SNX30: variants seen among roughly 807,000 people sequenced by gnomAD.
SNX30 encodes sorting nexin family member 30.
A neutral mutation model predicts 46.4 loss-of-function variants in SNX30; 24 were observed. The observed-to-expected ratio is 0.52, with a 90% CI of 0.37 to 0.73. The LOEUF (loss-of-function observed/expected upper bound fraction) is 0.73. SNX30 is among the 30% of genes least tolerant of loss of function. The pLI, the probability that SNX30 is intolerant of heterozygous loss-of-function variation, is 0.00. For missense variants in SNX30, 533 were observed against 555.7 expected, an observed-to-expected ratio of 0.96 and a Z score of 0.41; for synonymous variants, 189 against 211.5, an observed-to-expected ratio of 0.89 and a Z score of 0.92.
At chr9:112,795,765 T>TCTCTCA (rs34877094) in intron 1 of SNX30, among the ~76,000 whole-genome samples, 3 of 123,334 alleles carry the variant, frequency 2.4e-5, no homozygotes, top group East Asian at 2.1e-4. Context: ...CACAGTACAG[T>TCTCTCA]CACACACACA....
intron 1 of SNX30, among the ~76,000 whole-genome samples, chr9:112,757,587 A>G (rs767734663): frequency 1.1e-4 from 17 of 152,230 alleles, no homozygotes; most frequent in African/African-American, 2.4e-4. Context: ...ACTGTTTTCC[A>G]TAATGGCTGT....
Position 112,869,176 on chromosome 9 carries a change from T to G in SNX30, c.*333T>G, listed in dbSNP as rs1841406920. On this transcript the variant is annotated 3_prime_UTR_variant, in exon 9 of 9. Transcript: ENST00000374232. ...TCTGACATTTCATGACAGTTTCCTC[T>G]TTAGGGACAGCTGAGTTGCCAGTTG... The G allele has an allele frequency of 3.9e-6, 1 of 258,862 alleles. No individual in the cohort carries two copies. The highest frequency in any genetic ancestry group is 7.9e-5 in the East Asian group (1 of 12,624). 16.0% of individuals were successfully genotyped at this position (258,862 alleles called of 1,614,324 possible).
intron 7 of SNX30, among the ~76,000 whole-genome samples, chr9:112,863,131 C>T (rs1331181756): frequency 3.3e-5 from 5 of 152,178 alleles, no homozygotes; most frequent in Non-Finnish European, 2.9e-5. Flanking sequence ...TGTCCAGCTC[C>T]CTCAGGCCTG....
chr9:112,876,544 A>C (rs1232239609), downstream of SNX30, among the ~76,000 whole-genome samples: 1 of 152,156 alleles, frequency 6.6e-6, no homozygotes, highest in Non-Finnish European at 1.5e-5. Context: ...CCAGGTGGAG[A>C]TGTTGACTTG....
At position 112,864,353 on chromosome 9, in the gene SNX30, A is replaced by G; in HGVS notation, c.1208A>G (p.Gln403Arg). Reference protein sequence around the residue: ...WQNNKRQDFRQLLMGMADKNI... With the variant: ...WQNNKRQDFRRLLMGMADKNI... ...AACAACAAGAGGCAGGACTTCCGGC[A>G]GCTACTCATGGGGATGGCTGACAAG... The change falls in exon 8 of 9, where the codon CAG becomes CGG. Residue 403 changes from glutamine to arginine, a missense_variant. Coordinates refer to ENST00000374232, the MANE Select transcript of SNX30 (RefSeq NM_001012994.2). The G allele has an allele frequency of 6.2e-7, 1 of 1,614,260 alleles. No individual in the cohort carries two copies.
In SNX30 at chr9:112,826,160, G is replaced by A. The variant is rs574556225; in HGVS notation, c.460-4565G>A. Among the ~76,000 whole-genome samples, 13 of 152,228 alleles carry A rather than the reference G, an allele frequency of 8.5e-5. No individual in the cohort carries two copies. The South Asian group carries it at 1.5e-3, about 17-fold the overall frequency. ...TTCAGCAGAAGCAAATGAGAGTATCGTAACAGGACTCATGAAGTAAGAACA... is the reference window on the plus strand; with the variant it reads ...TTCAGCAGAAGCAAATGAGAGTATCATAACAGGACTCATGAAGTAAGAACA... On this transcript the variant is annotated intron_variant, in intron 3 of 8. Coordinates refer to ENST00000374232, the MANE Select transcript of SNX30 (RefSeq NM_001012994.2).
chr9:112,826,159 C>T (rs995172518), intron 3 of SNX30, among the ~76,000 whole-genome samples: 3 of 152,234 alleles, frequency 2.0e-5, no homozygotes, highest in South Asian at 2.1e-4. Flanking sequence ...ATGAGAGTAT[C>T]GTAACAGGAC....
chr9:112,754,623 C>T (rs926233184), intron 1 of SNX30, among the ~76,000 whole-genome samples: 3 of 152,074 alleles, frequency 2.0e-5, no homozygotes, highest in African/African-American at 7.2e-5. Flanking sequence ...CCTGGCTGGT[C>T]TCGAACTTCT....
intron 6 of SNX30, among the ~76,000 whole-genome samples, chr9:112,843,872 C>T (rs1840897595): frequency 6.6e-6 from 1 of 152,130 alleles, no homozygotes; most frequent in South Asian, 2.1e-4. Flanking sequence ...GTTGGCCTCC[C>T]AAATGCAGTA....
At chr9:112,826,687 CA>C (rs1014971690) in intron 3 of SNX30, among the ~76,000 whole-genome samples, 4 of 152,086 alleles carry the variant, frequency 2.6e-5, no homozygotes, top group Non-Finnish European at 5.9e-5. Flanking sequence ...GTGGAGGAAG[CA>C]AAATAGGAAA....
downstream of SNX30, among the ~76,000 whole-genome samples, chr9:112,882,355 C>T (rs1046408407): frequency 6.6e-6 from 1 of 152,214 alleles, no homozygotes; most frequent in African/African-American, 2.4e-5. Flanking sequence ...AATTCCCCCA[C>T]CTCAGCCTCC....
At chr9:112,766,353 C>CT (rs11387110) in intron 1 of SNX30, among the ~76,000 whole-genome samples, 36,389 of 150,264 alleles carry the variant, frequency 0.24, 4,440 homozygotes, top group Admixed American at 0.32. Flanking sequence ...AGCACATGTA[C>CT]TTTTTTTTTT....
chr9:112,832,962 C>T (rs995538805), intron 4 of SNX30, among the ~76,000 whole-genome samples: 1 of 151,054 alleles, frequency 6.6e-6, no homozygotes, highest in African/African-American at 2.4e-5. Flanking sequence ...TTAAACAGAA[C>T]AAATTTTAGC....
intron 3 of SNX30, among the ~76,000 whole-genome samples, chr9:112,829,900 A>C (rs887282653): frequency 6.6e-6 from 1 of 152,180 alleles, no homozygotes; most frequent in African/African-American, 2.4e-5. Flanking sequence ...CTTTAGAGAA[A>C]TATCTATTAG....
chr9:112,867,234 T>TCCC (rs1841370452), intron 8 of SNX30, among the ~76,000 whole-genome samples: 1 of 145,202 alleles, frequency 6.9e-6, no homozygotes, highest in African/African-American at 2.6e-5. Context: ...TCAGAACTCC[T>TCCC]GCCTCCTCAG....
At chr9:112,842,223 G>A (rs780940816) in intron 6 of SNX30, among the ~76,000 whole-genome samples, 35 of 152,198 alleles carry the variant, frequency 2.3e-4, no homozygotes, top group Non-Finnish European at 3.8e-4. Context: ...GATTACAGGC[G>A]TGAGCCCCCA....
chr9:112,838,112 G>T (rs764033612), intron 5 of SNX30, among the ~76,000 whole-genome samples: 1 of 151,338 alleles, frequency 6.6e-6, no homozygotes, highest in Admixed American at 6.6e-5. Context: ...GGATGGTCTC[G>T]ATCTCCTGAC....
chr9:112,767,457 T>G (rs1839562095), intron 1 of SNX30, among the ~76,000 whole-genome samples: 2 of 152,246 alleles, frequency 1.3e-5, no homozygotes, highest in African/African-American at 4.8e-5. Context: ...TTTTTGCTTT[T>G]GCTGTCTGTG....
At chr9:112,825,121 G>A (rs1840562203) in intron 3 of SNX30, among the ~76,000 whole-genome samples, 1 of 152,168 alleles carries the variant, frequency 6.6e-6, no homozygotes, top group Non-Finnish European at 1.5e-5. Context: ...GGAATTGCTG[G>A]AGCATATAGT....
Sources: gnomAD v4.1 joint callset for allele counts (sites outside exome capture counted in the v4.1 genomes callset) on GRCh38, gnomAD v4.1.1 for gene constraint, MANE v1.5 for transcripts, NCBI Gene and HGNC (gene_info 2026-07-23, HGNC 2026-07-21) for gene names.